DYM: variants seen among roughly 807,000 people sequenced by gnomAD.
DYM encodes the protein dymeclin.
A neutral mutation model predicts 93.1 loss-of-function variants in DYM; 78 were observed. The observed-to-expected ratio is 0.84, with a 90% CI of 0.70 to 1.01. DYM has a LOEUF of 1.01. Ranked by LOEUF, DYM falls within the 50% of genes least tolerant of loss-of-function variation. The probability of loss-of-function intolerance (pLI) is 0.00; values close to 1 mark genes in which losing one functional copy is unlikely to be tolerated. For missense variants in DYM, 789 were observed against 845.0 expected (o/e 0.93, Z 0.82); for synonymous variants, 321 against 319.7 (o/e 1.00, Z -0.04).
intron 2 of DYM, among the ~76,000 whole-genome samples, chr18:49,395,042 A>G (rs2069872107): frequency 6.6e-6 from 1 of 152,314 alleles, no homozygotes; most frequent in South Asian, 2.1e-4. Flanking sequence ...AACTACTAGA[A>G]GACACTTAAG....
chr18:49,406,466 C>G (rs577736387), intron 2 of DYM, among the ~76,000 whole-genome samples: 314 of 152,072 alleles, frequency 2.1e-3, no homozygotes, highest in Middle Eastern at 3.4e-3. Context: ...GAGGTTGAGG[C>G]ACAAGAATTA....
chr18:49,095,253 T>C (rs1436299366), intron 17 of DYM, among the ~76,000 whole-genome samples: 1 of 152,170 alleles, frequency 6.6e-6, no homozygotes, highest in African/African-American at 2.4e-5. Flanking sequence ...GTGACTCATT[T>C]TATTATAAAC....
intron 14 of DYM, among the ~76,000 whole-genome samples, chr18:49,177,137 T>C (rs2089470470): frequency 6.6e-6 from 1 of 152,094 alleles, no homozygotes; most frequent in Non-Finnish European, 1.5e-5. Flanking sequence ...GGGATCGAAA[T>C]AACATTGAAA....
At chr18:49,382,401 T>C (rs890272136) in intron 3 of DYM, among the ~76,000 whole-genome samples, 2 of 152,178 alleles carry the variant, frequency 1.3e-5, no homozygotes, top group Non-Finnish European at 2.9e-5. Context: ...GGGCAATAAG[T>C]TAATAAAATT....
At chr18:49,385,559 G>A (rs2068521617) in intron 3 of DYM, among the ~76,000 whole-genome samples, 1 of 152,082 alleles carries the variant, frequency 6.6e-6, no homozygotes, top group East Asian at 1.9e-4. Flanking sequence ...GCTGGGTGTG[G>A]TGGTGCATGC....
At chr18:49,112,134 C>CCTCTCCGCACCCCCCTA (rs1568440815) in intron 16 of DYM, among the ~76,000 whole-genome samples, 3 of 148,616 alleles carry the variant, frequency 2.0e-5, no homozygotes, top group South Asian at 4.4e-4. Context: ...GCACCCCCCT[C>CCTCTCCGCACCCCCCTA]CCCTCCGCAC....
chr18:49,212,410 AAC>A (rs2092824602), intron 13 of DYM, among the ~76,000 whole-genome samples: 1 of 152,226 alleles, frequency 6.6e-6, no homozygotes, highest in Non-Finnish European at 1.5e-5. Flanking sequence ...AAAAGAGACA[AAC>A]ACAATAGTAA....
chr18:49,097,757 ACT>A (rs1450642128), intron 16 of DYM, among the ~76,000 whole-genome samples: 2 of 151,542 alleles, frequency 1.3e-5, no homozygotes, highest in Non-Finnish European at 2.9e-5. Context: ...CCTGAATTCT[ACT>A]CTTTCTTGTG....
intron 11 of DYM, among the ~76,000 whole-genome samples, chr18:49,261,252 C>T (rs2094484956): frequency 1.3e-5 from 2 of 152,200 alleles, no homozygotes; most frequent in South Asian, 4.1e-4. Context: ...TCTCTGGCCC[C>T]ACATCACCCA....
intron 13 of DYM, among the ~76,000 whole-genome samples, chr18:49,252,241 A>AAAAAAAAAAAAC: frequency 6.7e-6 from 1 of 148,444 alleles, no homozygotes; most frequent in Non-Finnish European, 1.5e-5. Flanking sequence ...AAAAAAAAAA[A>AAAAAAAAAAAAC]AGAACTGCCT....
At chr18:49,145,500 G>A (rs990853037) in intron 15 of DYM, among the ~76,000 whole-genome samples, 54 of 152,182 alleles carry the variant, frequency 3.5e-4, no homozygotes, top group African/African-American at 1.3e-3. Flanking sequence ...AAGAAGTCGA[G>A]TTTCATTCCT....
At chr18:49,441,274 T>TA (rs569174670) in intron 1 of DYM, among the ~76,000 whole-genome samples, 8,130 of 44,958 alleles carry the variant, frequency 0.18, 1,089 homozygotes, top group African/African-American at 0.23. Context: ...ATATAATATA[T>TA]ATTATATAAT....
At chr18:49,063,324 T>A (rs944704187) in intron 17 of DYM, among the ~76,000 whole-genome samples, 23 of 147,152 alleles carry the variant, frequency 1.6e-4, no homozygotes, top group Admixed American at 8.1e-4. Context: ...TTTTTTTTTT[T>A]AAATCCATGC....
chr18:49,070,904 G>T (rs2076829953), intron 17 of DYM, among the ~76,000 whole-genome samples: 1 of 152,176 alleles, frequency 6.6e-6, no homozygotes, highest in Non-Finnish European at 1.5e-5. Context: ...AGTCCACATG[G>T]TTCCTTATAC....
At chr18:49,325,834 G>A (rs1319111749) in intron 8 of DYM, among the ~76,000 whole-genome samples, 2 of 152,058 alleles carry the variant, frequency 1.3e-5, no homozygotes, top group Non-Finnish European at 2.9e-5. Context: ...CTGAAAACTG[G>A]ACCTCATCAG....
chr18:49,340,815 T>G (rs1300146705), intron 6 of DYM, among the ~76,000 whole-genome samples: 2 of 152,186 alleles, frequency 1.3e-5, no homozygotes, highest in Admixed American at 1.3e-4. Context: ...TGAATAACAT[T>G]TAATAAAATA....
At chr18:49,359,026 C>T (rs559668549) in intron 6 of DYM, among the ~76,000 whole-genome samples, 5 of 152,346 alleles carry the variant, frequency 3.3e-5, no homozygotes, top group Non-Finnish European at 7.3e-5. Context: ...CCACAAGTCT[C>T]ATTCAGCCCT....
At position 49,308,347 on chromosome 18, in the gene DYM, A is replaced by C. The variant is rs536590802; in HGVS notation, c.764-21731T>G. Among the ~76,000 whole-genome samples the C allele has an allele frequency of 3.3e-5, 5 of 152,092 alleles. No individual in the cohort carries two copies. The East Asian group carries it at 9.7e-4, about 29-fold the overall frequency. ...CATTCAAGTCCTGCTGACTTGAATG[A>C]AGATGTGATGGCTGGAGCTGGTTTA... On this transcript the variant is annotated intron_variant, in intron 8 of 17. Coordinates refer to ENST00000675505, the MANE Select transcript of DYM (RefSeq NM_001353214.3).
At chr18:49,208,770 A>G (rs2092644295) in intron 14 of DYM, 1 of 152,142 alleles carries the variant, frequency 6.6e-6, no homozygotes, top group Admixed American at 6.5e-5. Context: ...AAATCACCAT[A>G]TCTAGCTAAC....
Sources: gnomAD v4.1 joint callset for allele counts (sites outside exome capture counted in the v4.1 genomes callset) on GRCh38, gnomAD v4.1.1 for gene constraint, MANE v1.5 for transcripts, NCBI Gene and HGNC (gene_info 2026-07-23, HGNC 2026-07-21) for gene names.